Variants in IMPDH1 observed in about 807,000 individuals in gnomAD.
IMPDH1 encodes the protein inosine monophosphate dehydrogenase 1.
A neutral mutation model predicts 73.5 loss-of-function variants in IMPDH1; 41 were observed. The ratio of observed to expected loss-of-function variants is 0.56; its 90% CI spans 0.43 to 0.72. The LOEUF is 0.72. Among genes scored for constraint, IMPDH1 ranks in the 30% least tolerant of loss-of-function variants. IMPDH1 has a pLI of 0.00. For missense variants in IMPDH1, 645 were observed against 824.8 expected, an observed-to-expected ratio of 0.78 and a Z score of 2.67; for synonymous variants, 318 against 334.3, an observed-to-expected ratio of 0.95 and a Z score of 0.53.
Position 128,398,709 on chromosome 7 carries a change from G to T in IMPDH1, c.875-96C>A. The T allele has an allele frequency of 3.0e-6, 3 of 998,338 alleles. No individual in the cohort carries two copies. Among genetic ancestry groups the T allele is most frequent in the South Asian group, 1.3e-5 (1 of 77,466 alleles). 61.8% of individuals were successfully genotyped at this position (998,338 alleles called of 1,614,324 possible). ...GAAGATGAAAGTGGACCACTCCAGA[G>T]ATTCCACTGAAGTACCCCAGTCAGC... On this transcript the variant is annotated intron_variant, in intron 9 of 16. Transcript: ENST00000338791. The surrounding 1 kb of genome is among the most constrained non-coding windows in gnomAD (Gnocchi z 4.3).
chr7:128,400,969 T>C (rs563144154), intron 6 of IMPDH1, 46 bp downstream of exon 6: 2 of 1,597,876 alleles, frequency 1.3e-6, no homozygotes, highest in South Asian at 2.2e-5. Flanking sequence ...CCCACCATGG[T>C]CAGTTCCTGT....
rs906905615 is a variant in IMPDH1, at chr7:128,409,974, C to T, written c.-73G>A. ...CCCCGGCTGGGCAGTGAGCGCAGCC[C>T]GGTCGAGTCCCGAGGAGGGGCGGGG... On this transcript the variant is annotated 5_prime_UTR_variant, in exon 1 of 17. Coordinates refer to ENST00000338791, the MANE Select transcript of IMPDH1 (RefSeq NM_000883.4). The T allele has an allele frequency of 2.4e-6, 3 of 1,250,590 alleles. No individual in the cohort carries two copies. The highest frequency in any genetic ancestry group is 2.5e-5 in the South Asian group (1 of 39,736). The allele number at this position is 1,250,590 out of a possible 1,614,324, so 77.5% of individuals were successfully genotyped here. A position where few individuals can be genotyped will look rare whatever the true frequency, so the allele number is the denominator to read the frequency against.
At position 128,396,899 on chromosome 7, in the gene IMPDH1, G is replaced by A; in HGVS notation, c.1165+33C>T. On this transcript the variant is annotated intron_variant, in intron 11 of 16. Coordinates refer to ENST00000338791, the MANE Select transcript of IMPDH1 (RefSeq NM_000883.4). The surrounding 1 kb of genome is among the most constrained non-coding windows in gnomAD (Gnocchi z 4.0). Reference sequence around the variant, plus strand: ...AAAGGGTTACTCATTGGAGGGGCAGGAGCAGGCGGGTGGGAGGCGACCCCG... The same window carrying A: ...AAAGGGTTACTCATTGGAGGGGCAGAAGCAGGCGGGTGGGAGGCGACCCCG... 1.4e-6 allele frequency: 2 copies of A among 1,480,636 alleles called. No individual in the cohort carries two copies. Among genetic ancestry groups the A allele is most frequent in the Non-Finnish European group, 1.9e-6 (2 of 1,058,722 alleles). 91.7% of individuals were successfully genotyped at this position (1,480,636 alleles called of 1,614,324 possible).
intron 3 of IMPDH1, among the ~76,000 whole-genome samples, chr7:128,409,055 G>A (rs1033791109): frequency 2.0e-5 from 3 of 152,218 alleles, no homozygotes; most frequent in Non-Finnish European, 4.4e-5. Context: ...CCTCTGGACC[G>A]GAAGGACAGT....
In IMPDH1 at chr7:128,398,660, AGTTTGGGAGAT is replaced by A. The variant is rs2116641415; in HGVS notation, c.875-58_875-48del. 3 of 1,497,262 alleles carry A rather than the reference AGTTTGGGAGAT, an allele frequency of 2.0e-6. No individual in the cohort carries two copies. In the South Asian group the frequency reaches 3.4e-5, roughly 17 times the overall value. The allele number at this position is 1,497,262 out of a possible 1,614,324, so 92.7% of individuals were successfully genotyped here. A position where few individuals can be genotyped will look rare whatever the true frequency, so the allele number is the denominator to read the frequency against. On this transcript the variant is annotated intron_variant, in intron 9 of 16. Transcript: ENST00000338791. This position sits in a 1 kb window ranked among gnomAD's most constrained non-coding sequence, Gnocchi z 4.3. Reference sequence around the variant, plus strand: ...AAATGAAGCAGGCTTGGTGGGGAGAAGTTTGGGAGATGTTTAGGAGGGTGAAGATGAAAGTG... The same window carrying A: ...AAATGAAGCAGGCTTGGTGGGGAGAAGTTTAGGAGGGTGAAGATGAAAGTG...
chr7:128,396,459 T>A lies in IMPDH1; in HGVS notation c.1261+141A>T. ...CCTTCCCCTAAGTCAGTGGGCCCGA[T>A]GGGGTGGGGCCCATGCCTGGGTCAC... On this transcript the variant is annotated intron_variant, in intron 12 of 16. Transcript: ENST00000338791. This position sits in a 1 kb window ranked among gnomAD's most constrained non-coding sequence, Gnocchi z 4.0. 1.4e-6 allele frequency: 1 copy of A among 732,838 alleles called. No homozygotes were observed. 45.4% of individuals were successfully genotyped at this position (732,838 alleles called of 1,614,324 possible). A position where few individuals can be genotyped will look rare whatever the true frequency, so the allele number is the denominator to read the frequency against.
rs200403236 is a variant in IMPDH1 at position 128,395,042 on chromosome 7, G to A, written c.1406-9C>T. ...CAGGGAGCCCATCATCACTACAGTG[G>A]GCAAGGGATTAGTGCCTCCAGCCCA... On this transcript the variant is annotated splice_polypyrimidine_tract_variant and intron_variant, in intron 13 of 16. Transcript: ENST00000338791. 6.3e-5 allele frequency: 102 copies of A among 1,613,908 alleles called. No individual in the cohort carries two copies. The Middle Eastern group carries it at 6.6e-4, about 10-fold the overall frequency.
chr7:128,396,267 G>A lies in IMPDH1; in HGVS notation c.1261+333C>T, dbSNP rs774017450. Among the ~76,000 whole-genome samples, 1 of 152,174 alleles carries A rather than the reference G, an allele frequency of 6.6e-6. No individual in the cohort carries two copies. The highest frequency in any genetic ancestry group is 2.4e-5 in the African/African-American group (1 of 41,416). On this transcript the variant is annotated intron_variant, in intron 12 of 16. Coordinates refer to ENST00000338791, the MANE Select transcript of IMPDH1 (RefSeq NM_000883.4). This position sits in a 1 kb window ranked among gnomAD's most constrained non-coding sequence, Gnocchi z 4.0. ...ATCTTTATATATTCAGGGACATGTC[G>A]TCTCTGTGTCTTAAATATCTGCCTT...
At position 128,407,481 on chromosome 7, in the gene IMPDH1, TC is replaced by T. The variant is rs565864950; in HGVS notation, c.255-1617del. Among the ~76,000 whole-genome samples the T allele has an allele frequency of 2.2e-4, 34 of 152,220 alleles. 1 individual carries two copies. In the East Asian group the frequency reaches 6.6e-3, roughly 29 times the overall value. ...GGCCACATGGGGGACCAGGGGAGCG[TC>T]CTGAGGAGCACCAGCACTAGGACCT... On this transcript the variant is annotated intron_variant, in intron 3 of 16. Transcript: ENST00000338791.
intron 4 of IMPDH1, among the ~76,000 whole-genome samples, 173 bp downstream of exon 4, chr7:128,405,594 A>C (rs1798665064): frequency 6.6e-6 from 1 of 152,030 alleles, no homozygotes; most frequent in Admixed American, 6.5e-5. Context: ...TCGCCGTGCC[A>C]CGTCCGTCTG....
At position 128,396,020 on chromosome 7, in the gene IMPDH1, G is replaced by A. The variant is rs1392853719; in HGVS notation, c.1261+580C>T. On this transcript the variant is annotated intron_variant, in intron 12 of 16. Transcript: ENST00000338791. The surrounding 1 kb of genome is among the most constrained non-coding windows in gnomAD (Gnocchi z 4.0). Reference sequence around the variant, plus strand: ...AGAAATTGCCCTCACAGGAGGGGCCGGGTACATCTCCTCAGGCCAAGTGAG... The same window carrying A: ...AGAAATTGCCCTCACAGGAGGGGCCAGGTACATCTCCTCAGGCCAAGTGAG... 5.3e-5 allele frequency among the ~76,000 whole-genome samples: 8 copies of A among 152,110 alleles called. No individual in the cohort carries two copies. Among genetic ancestry groups the A allele is most frequent in the African/African-American group, 1.7e-4 (7 of 41,398 alleles).
At chr7:128,395,812 G>C (rs779175714) in intron 12 of IMPDH1, among the ~76,000 whole-genome samples, 40 of 152,298 alleles carry the variant, frequency 2.6e-4, no homozygotes, top group Non-Finnish European at 4.7e-4. Flanking sequence ...TCAAAGCTTT[G>C]AACAGTGCCT....
chr7:128,400,978 G>A (rs769872801), intron 6 of IMPDH1, 37 bp downstream of exon 6: 29 of 1,600,298 alleles, frequency 1.8e-5, no homozygotes, highest in Non-Finnish European at 1.3e-5. Context: ...GTCAGTTCCT[G>A]TGTGCCCTGG....
At chr7:128,395,081 C>A in intron 13 of IMPDH1, 48 bp from the exon 14 acceptor site, 1 of 1,613,954 alleles carries the variant, frequency 6.2e-7, no homozygotes, top group Non-Finnish European at 8.5e-7. Context: ...GTGCCACCCC[C>A]CCAGCTTCCA....
In IMPDH1 at chr7:128,409,847, G is replaced by A. The variant is rs1425252852; in HGVS notation, c.55C>T (p.Pro19Ser). The A allele has an allele frequency of 1.3e-6, 2 of 1,492,596 alleles. No individual in the cohort carries two copies. Among genetic ancestry groups the A allele is most frequent in the South Asian group, 2.5e-5 (2 of 79,486 alleles). The allele number at this position is 1,492,596 out of a possible 1,614,324, so 92.5% of individuals were successfully genotyped here. A position where few individuals can be genotyped will look rare whatever the true frequency, so the allele number is the denominator to read the frequency against. The change falls in exon 1 of 17, where the codon CCG becomes TCG. Residue 19 changes from proline to serine, a missense_variant. Around this residue, in one of 2 missense-constraint regions of IMPDH1, gnomAD observed 186 missense variants for 186.6 expected, o/e 1.00. Transcript: ENST00000338791. ...PLQGGGAAAV[P>S]EPGARQHPGH... ...GGGTGTTGCCGGGCTCCGGGCTCCG[G>A]AACAGCGGCGGCTCCGCCTCCCTGC...
intron 5 of IMPDH1, among the ~76,000 whole-genome samples, chr7:128,401,680 T>C (rs1798348942): frequency 6.6e-6 from 1 of 151,966 alleles, no homozygotes; most frequent in African/African-American, 2.4e-5. Context: ...TTCAAAAAGG[T>C]CACTCAGGCT....
At chr7:128,407,007 G>C (rs77448786) in intron 3 of IMPDH1, among the ~76,000 whole-genome samples, 7,743 of 152,218 alleles carry the variant, frequency 0.051, 346 homozygotes, top group East Asian at 0.21. Flanking sequence ...CATGGGGAAA[G>C]GTGGGGTGGT....
intron 3 of IMPDH1, among the ~76,000 whole-genome samples, chr7:128,406,287 C>T (rs1268572998): frequency 2.0e-4 from 1 of 4,930 alleles, no homozygotes; most frequent in Non-Finnish European, 7.6e-4. Flanking sequence ...GAGGCCCCAC[C>T]CCCCCACACC....
At chr7:128,404,107 C>T (rs947334831) in intron 4 of IMPDH1, among the ~76,000 whole-genome samples, 16 of 152,200 alleles carry the variant, frequency 1.1e-4, no homozygotes, top group African/African-American at 3.6e-4. Context: ...TTGAAAACTT[C>T]TCAATCTTGA....
Sources: allele counts gnomAD v4.1 joint callset (sites outside exome capture counted in the v4.1 genomes callset), GRCh38; gene constraint gnomAD v4.1.1; regional missense constraint gnomAD v4.1.1; non-coding constraint Gnocchi (gnomAD v3.1); transcripts MANE v1.5; gene names NCBI Gene and HGNC (gene_info 2026-07-23, HGNC 2026-07-21).